RTF2: variants seen among roughly 807,000 people sequenced by gnomAD.
The protein encoded by RTF2 is UPF0549 protein C20orf43.
A neutral mutation model predicts 38.0 loss-of-function variants in RTF2; 18 were observed. That is an observed-to-expected ratio of 0.47 (90% CI 0.33 to 0.70). The LOEUF is 0.70. Ranked by LOEUF, RTF2 falls within the 30% of genes least tolerant of loss-of-function variation. RTF2 has a pLI of 0.02. For synonymous variants in RTF2, 126 were observed against 137.1 expected, an observed-to-expected ratio of 0.92 and a Z score of 0.57; for missense variants, 311 against 379.6, an observed-to-expected ratio of 0.82 and a Z score of 1.50.
At chr20:56,511,546 T>C (rs1331687270) in intron 5 of RTF2, among the ~76,000 whole-genome samples, 1 of 152,138 alleles carries the variant, frequency 6.6e-6, no homozygotes. Context: ...TAAATTATTC[T>C]TCTTTCCTTT....
At chr20:56,497,432 C>T (rs1413452099) in intron 5 of RTF2, 2 of 1,543,750 alleles carry the variant, frequency 1.3e-6, no homozygotes. Context: ...CCGCCCCTTT[C>T]CCTTCAAATA....
chr20:56,499,248 G>A (rs549342879), intron 5 of RTF2, among the ~76,000 whole-genome samples: 10 of 147,850 alleles, frequency 6.8e-5, no homozygotes, highest in Middle Eastern at 3.7e-3. Flanking sequence ...TCAGGCTGGA[G>A]TGCAATGGTG....
At position 56,474,373 on chromosome 20, in the gene RTF2, C is replaced by T. The variant is rs570433271; in HGVS notation, c.165-305C>T. On this transcript the variant is annotated intron_variant, in intron 2 of 8. Transcript: ENST00000357348. ...GCAGGCGCCTGTAATCCCAGCTGCT[C>T]GGGAGGCTGAGGCAGGAGAATTGCT... Among the ~76,000 whole-genome samples the T allele has an allele frequency of 4.1e-3, 621 of 152,110 alleles. 4 individuals are homozygous for T. The highest frequency in any genetic ancestry group is 0.014 in the African/African-American group (587 of 41,494).
chr20:56,473,793 C>CAGG (rs2146314918), intron 2 of RTF2, among the ~76,000 whole-genome samples: 1 of 152,262 alleles, frequency 6.6e-6, no homozygotes, highest in South Asian at 2.1e-4. Flanking sequence ...GAGGCTGAGG[C>CAGG]AGGAGGATCC....
chr20:56,486,865 C>T (rs942845758), intron 5 of RTF2, among the ~76,000 whole-genome samples: 1 of 152,076 alleles, frequency 6.6e-6, no homozygotes. Flanking sequence ...AGCAGCCGGG[C>T]AGCCATACTG....
At position 56,518,540 on chromosome 20, in the gene RTF2, T is replaced by C. The variant is rs1007062569; in HGVS notation, c.*275T>C. ...TCCATGGCCAGGAAGCCCTGTGGGCTGCACTTTTTATGCTTGCAGTAACAA... is the reference window on the plus strand; with the variant it reads ...TCCATGGCCAGGAAGCCCTGTGGGCCGCACTTTTTATGCTTGCAGTAACAA... On this transcript the variant is annotated 3_prime_UTR_variant, in exon 9 of 9. Coordinates refer to ENST00000357348, the MANE Select transcript of RTF2 (RefSeq NM_016407.5). 3.0e-6 allele frequency: 1 copy of C among 331,458 alleles called. No homozygotes were observed. Among genetic ancestry groups the C allele is most frequent in the Non-Finnish European group, 5.4e-6 (1 of 183,542 alleles). The allele number at this position is 331,458 out of a possible 1,614,324, so 20.5% of individuals were successfully genotyped here.
intron 8 of RTF2, 100 bp from the exon 9 acceptor site, chr20:56,517,987 C>T (rs968736286): frequency 5.9e-5 from 71 of 1,196,810 alleles, no homozygotes; most frequent in Non-Finnish European, 7.3e-5. Flanking sequence ...AGCAAGAGAA[C>T]GTCTGGGACA....
chr20:56,484,092 C>T lies in RTF2; in HGVS notation c.399-19C>T. 6.2e-7 allele frequency: 1 copy of T among 1,610,634 alleles called. No individual in the cohort carries two copies. Among genetic ancestry groups the T allele is most frequent in the Non-Finnish European group, 8.5e-7 (1 of 1,176,958 alleles). On this transcript the variant is annotated intron_variant, in intron 4 of 8. Coordinates refer to ENST00000357348, the MANE Select transcript of RTF2 (RefSeq NM_016407.5). ...CATGTGATTAATACAGTCCTTCCCC[C>T]ACTGGGTTATTTCTCCAGGTTCTGC...
intron 4 of RTF2, among the ~76,000 whole-genome samples, chr20:56,479,914 G>A (rs903134467): frequency 1.3e-5 from 2 of 151,422 alleles, no homozygotes; most frequent in Non-Finnish European, 2.9e-5. Flanking sequence ...TTCAGGCTTG[G>A]TTCTTCCATT....
intron 5 of RTF2, among the ~76,000 whole-genome samples, chr20:56,512,466 A>G (rs1036763484): frequency 7.9e-5 from 12 of 152,118 alleles, no homozygotes; most frequent in Non-Finnish European, 1.3e-4. Context: ...CAGTGACAGC[A>G]TGGTCACAGG....
chr20:56,475,403 G>A (rs1342443498), intron 3 of RTF2, among the ~76,000 whole-genome samples: 1 of 152,136 alleles, frequency 6.6e-6, no homozygotes, highest in Non-Finnish European at 1.5e-5. Context: ...CCAGTCTAAG[G>A]CTCTAGGTTT....
At chr20:56,499,113 G>A (rs967075865) in intron 5 of RTF2, among the ~76,000 whole-genome samples, 2 of 151,830 alleles carry the variant, frequency 1.3e-5, no homozygotes, top group African/African-American at 4.8e-5. Flanking sequence ...TGTTCCACTG[G>A]TTCAGTAAAT....
At chr20:56,483,191 T>C (rs1982613009) in intron 4 of RTF2, among the ~76,000 whole-genome samples, 2 of 152,174 alleles carry the variant, frequency 1.3e-5, no homozygotes, top group African/African-American at 4.8e-5. Flanking sequence ...ATTTGCACAC[T>C]TGTGGGCATG....
At chr20:56,512,045 T>G (rs1339687565) in intron 5 of RTF2, among the ~76,000 whole-genome samples, 2 of 152,128 alleles carry the variant, frequency 1.3e-5, no homozygotes, top group East Asian at 3.9e-4. Flanking sequence ...GGTTTCACCA[T>G]ATTGGTCAGG....
At chr20:56,491,459 GT>G in intron 5 of RTF2, 2 of 774,750 alleles carry the variant, frequency 2.6e-6, no homozygotes, top group Non-Finnish European at 4.3e-6. Flanking sequence ...TTTAGGAATA[GT>G]TTGTATCAAG....
intron 5 of RTF2, among the ~76,000 whole-genome samples, chr20:56,509,094 A>G (rs1477733299): frequency 6.6e-6 from 1 of 152,262 alleles, no homozygotes; most frequent in African/African-American, 2.4e-5. Flanking sequence ...ACTAAGACAG[A>G]ACTTATATCC....
At chr20:56,488,117 T>C (rs1045767377) in intron 5 of RTF2, among the ~76,000 whole-genome samples, 3 of 152,040 alleles carry the variant, frequency 2.0e-5, no homozygotes, top group African/African-American at 7.2e-5. Flanking sequence ...TCTCAACACT[T>C]TGGGAGGCTG....
chr20:56,483,979 G>T, intron 4 of RTF2, 132 bp from the exon 5 acceptor site: 2 of 594,518 alleles, frequency 3.4e-6, no homozygotes. Context: ...CTATGAGAAC[G>T]TACTGATTTT....
chr20:56,498,311 C>T (rs1983693634), intron 5 of RTF2, among the ~76,000 whole-genome samples: 1 of 152,188 alleles, frequency 6.6e-6, no homozygotes, highest in African/African-American at 2.4e-5. Flanking sequence ...TGGCTCATGC[C>T]TGTGATCTCA....
Sources: gnomAD v4.1 joint callset for allele counts (sites outside exome capture counted in the v4.1 genomes callset) on GRCh38, gnomAD v4.1.1 for gene constraint, MANE v1.5 for transcripts, NCBI Gene and HGNC (gene_info 2026-07-23, HGNC 2026-07-21) for gene names.